GON4L: variants seen among roughly 807,000 people sequenced by gnomAD.
GON4L encodes gon-4 like, also known as GON-4-like protein.
A neutral mutation model predicts 211.8 loss-of-function variants in GON4L; 87 were observed. The observed-to-expected ratio is 0.41, with a 90% confidence interval of 0.35 to 0.49. The LOEUF (loss-of-function observed/expected upper bound fraction) is 0.49, where lower values mean the gene tolerates loss of function less well. Among genes scored for constraint, GON4L ranks in the 20% least tolerant of loss-of-function variants. The probability of loss-of-function intolerance (pLI) is 0.15; values close to 1 mark genes in which losing one functional copy is unlikely to be tolerated. For missense variants in GON4L, 2,155 were observed against 2,659.5 expected, an observed-to-expected ratio of 0.81 and a Z score of 4.17; for synonymous variants, 875 against 962.6, an observed-to-expected ratio of 0.91 and a Z score of 1.68.
intron 2 of GON4L, among the ~76,000 whole-genome samples, chr1:155,838,317 A>C (rs1670489796): frequency 6.6e-6 from 1 of 152,216 alleles, no homozygotes; most frequent in Non-Finnish European, 1.5e-5. Flanking sequence ...GAATTGTATA[A>C]ATAAGACGAA....
intron 12 of GON4L, among the ~76,000 whole-genome samples, chr1:155,791,856 G>A (rs1571759548): frequency 6.8e-6 from 1 of 147,230 alleles, no homozygotes; most frequent in Admixed American, 6.8e-5. Context: ...CGACAACAGC[G>A]AAACTCCATC....
At chr1:155,831,926 T>C (rs897564139) in intron 2 of GON4L, among the ~76,000 whole-genome samples, 1 of 151,968 alleles carries the variant, frequency 6.6e-6, no homozygotes, top group African/African-American at 2.4e-5. Flanking sequence ...CACTAATACC[T>C]GCAGTCAAGA....
At chr1:155,756,796 G>T in intron 27 of GON4L, 162 bp downstream of exon 27, 1 of 598,754 alleles carries the variant, frequency 1.7e-6, no homozygotes, top group Non-Finnish European at 3.0e-6. Flanking sequence ...GTGGTGGCTG[G>T]CGCCTGTCTG....
In GON4L at chr1:155,824,204, T is replaced by C. The variant is rs564005317; in HGVS notation, c.698-1728A>G. 1.5e-4 allele frequency among the ~76,000 whole-genome samples: 23 copies of C among 150,822 alleles called. No individual in the cohort carries two copies. The South Asian group carries it at 4.4e-3, about 29-fold the overall frequency. The stretch of plus-strand genomic sequence containing the variant: ...TTGGGAAGCCAAGGCGGGCAGATCA[T>C]TTGAGGTCAGGAGTTCAAGACCAGC... On this transcript the variant is annotated intron_variant, in intron 3 of 31. Transcript: ENST00000368331.
downstream of GON4L, chr1:155,748,014 C>A: frequency 4.4e-6 from 7 of 1,605,744 alleles, no homozygotes; most frequent in Non-Finnish European, 5.1e-6. Context: ...TTAAACACAG[C>A]TTTTGGTCTC....
downstream of GON4L, chr1:155,747,686 G>A (rs1660286746): frequency 6.2e-7 from 1 of 1,613,802 alleles, no homozygotes; most frequent in African/African-American, 1.3e-5. Context: ...TGCAGGTAGT[G>A]GCGTGGCAAT....
chr1:155,754,565 T>A lies in GON4L; in HGVS notation c.5518-77A>T, dbSNP rs1381756367. The A allele has an allele frequency of 4.5e-6, 4 of 892,128 alleles. No individual in the cohort carries two copies. The African/African-American group carries it at 6.9e-5, about 15-fold the overall frequency. The allele number at this position is 892,128 out of a possible 1,614,324, so 55.3% of individuals were successfully genotyped here. A position where few individuals can be genotyped will look rare whatever the true frequency, so the allele number is the denominator to read the frequency against. ...TTTTTTTTGAGACAGAGTCTCGCTCTGTGGCCCAGGCTGGGTTGCAGTGGC... is the reference window on the plus strand; with the variant it reads ...TTTTTTTTGAGACAGAGTCTCGCTCAGTGGCCCAGGCTGGGTTGCAGTGGC... On this transcript the variant is annotated intron_variant, in intron 27 of 31. Coordinates refer to ENST00000368331, the MANE Select transcript of GON4L (RefSeq NM_001282860.2).
intron 11 of GON4L, 70 bp downstream of exon 11, chr1:155,804,879 C>T: frequency 9.4e-7 from 1 of 1,065,780 alleles, no homozygotes; most frequent in South Asian, 1.3e-5. Context: ...ATTCTATACC[C>T]TTCCAAATAC....
chr1:155,827,820 T>G (rs1224336095), intron 2 of GON4L, among the ~76,000 whole-genome samples: 1 of 151,682 alleles, frequency 6.6e-6, no homozygotes, highest in Non-Finnish European at 1.5e-5. Flanking sequence ...CTGAGCAACA[T>G]ATCGAGGCTT....
chr1:155,784,420 C>T, intron 13 of GON4L: 1 of 231,108 alleles, frequency 4.3e-6, no homozygotes, highest in South Asian at 3.6e-5. Context: ...CAGTCTTGCT[C>T]TATTGCCCAG....
intron 12 of GON4L, among the ~76,000 whole-genome samples, chr1:155,786,660 G>A (rs1014096049): frequency 6.6e-6 from 1 of 152,202 alleles, no homozygotes; most frequent in African/African-American, 2.4e-5. Flanking sequence ...CACATCTGTA[G>A]ATGATGTAAA....
intron 19 of GON4L, among the ~76,000 whole-genome samples, chr1:155,770,406 T>G (rs1663074090): frequency 6.6e-6 from 1 of 152,182 alleles, no homozygotes; most frequent in Admixed American, 6.6e-5. Flanking sequence ...GGAACACGCC[T>G]GTAGTCCAGG....
chr1:155,755,411 A>G (rs1048230783), intron 27 of GON4L, among the ~76,000 whole-genome samples: 6 of 151,924 alleles, frequency 3.9e-5, no homozygotes, highest in Non-Finnish European at 5.9e-5. Flanking sequence ...GGAATTCGCA[A>G]TGTTACTCTG....
At position 155,765,775 on chromosome 1, in the gene GON4L, C is replaced by T. The variant is rs747872279; in HGVS notation, c.3698G>A (p.Cys1233Tyr). The T allele has an allele frequency of 4.2e-5, 67 of 1,614,070 alleles. No individual in the cohort carries two copies. The highest frequency in any genetic ancestry group is 5.6e-5 in the Non-Finnish European group (66 of 1,180,048). ...GGCATTTTCCCCATCAGCCACAGCACAAGCAATGTCCACATTCACGTGGGC... is the reference window on the plus strand; with the variant it reads ...GGCATTTTCCCCATCAGCCACAGCATAAGCAATGTCCACATTCACGTGGGC... Reference protein sequence around the residue: ...DKAHVNVDIACAVADGENAFQ... With the variant: ...DKAHVNVDIAYAVADGENAFQ... The change falls in exon 21 of 32, where the codon TGT becomes TAT. Residue 1233 changes from cysteine to tyrosine, a missense_variant. By Grantham distance (194) the Cys-to-Tyr change is radical. Coordinates refer to ENST00000368331, the MANE Select transcript of GON4L (RefSeq NM_001282860.2).
At chr1:155,789,622 GA>G (rs888495392) in intron 12 of GON4L, among the ~76,000 whole-genome samples, 5 of 150,476 alleles carry the variant, frequency 3.3e-5, no homozygotes, top group Admixed American at 6.6e-5. Flanking sequence ...AAAAAAAAAA[GA>G]AAAAAAAGTG....
At chr1:155,847,751 G>A (rs1671385983) in intron 2 of GON4L, among the ~76,000 whole-genome samples, 1 of 151,948 alleles carries the variant, frequency 6.6e-6, no homozygotes, top group African/African-American at 2.4e-5. Flanking sequence ...GTGCATGCCT[G>A]TAGTCCCAGG....
chr1:155,805,257 TTTA>T, intron 10 of GON4L, 116 bp from the exon 11 acceptor site: 1 of 717,348 alleles, frequency 1.4e-6, no homozygotes, highest in South Asian at 1.5e-5. Context: ...ACAATTTGGA[TTTA>T]TTATTGTTTG....
At chr1:155,823,655 G>C (rs1668919864) in intron 3 of GON4L, among the ~76,000 whole-genome samples, 1 of 152,134 alleles carries the variant, frequency 6.6e-6, no homozygotes, top group Non-Finnish European at 1.5e-5. Flanking sequence ...AGCCCCTTGG[G>C]AGCCCAAGGC....
At chr1:155,745,506 AC>A (rs2101560430), downstream of GON4L, among the ~76,000 whole-genome samples, 1 of 152,356 alleles carries the variant, frequency 6.6e-6, no homozygotes, top group South Asian at 2.1e-4. Flanking sequence ...CAAGGGAAGT[AC>A]GAGGCAGAGC....
Sources: gnomAD v4.1 joint callset for allele counts (sites outside exome capture counted in the v4.1 genomes callset) on GRCh38, gnomAD v4.1.1 for gene constraint, MANE v1.5 for transcripts, NCBI Gene and HGNC (gene_info 2026-07-23, HGNC 2026-07-21) for gene names.